IGSF5: variants seen among roughly 807,000 people sequenced by gnomAD.
IGSF5 encodes the protein immunoglobulin superfamily member 5, also known as immunoglobulin superfamily 5 like.
Under a neutral mutation model 39.4 loss-of-function variants are expected in IGSF5, and 41 were observed. That is an observed-to-expected ratio of 1.04 (90% CI 0.81 to 1.35). IGSF5 has a LOEUF of 1.35. IGSF5 is among the 40% of genes most tolerant of loss of function. The probability of loss-of-function intolerance (pLI) is 0.00; values close to 1 mark genes in which losing one functional copy is unlikely to be tolerated. For missense variants in IGSF5, 487 were observed against 494.6 expected, an observed-to-expected ratio of 0.98 and a Z score of 0.15; for synonymous variants, 183 against 175.3, an observed-to-expected ratio of 1.04 and a Z score of -0.34.
At chr21:39,737,692 A>G in the IGSF5 span, among the ~76,000 whole-genome samples, 2 of 152,234 alleles carry the variant, frequency 1.3e-5, no homozygotes, top group South Asian at 2.1e-4. Context: ...GTGGCCCCCC[A>G]GGAACCTCCA....
Position 39,746,238 on chromosome 21 carries a change from G to A in IGSF5, c.40G>A (p.Asp14Asn). ...KERSTADTLPDLEEWKSAAGL... is the reference protein window; with the variant it reads ...KERSTADTLPNLEEWKSAAGL... ...CAGGAGCACAGCAGATACTCTGCCG[G>A]ATCTGGAGGAATGGAAGTCAGCGGC... The change falls in exon 2 of 9, where the codon GAT becomes AAT. Residue 14 changes from aspartate (D) to asparagine (N), a missense_variant. Transcript: ENST00000380588. 1.4e-6 allele frequency: 1 copy of A among 701,914 alleles called. No homozygotes were observed. The highest frequency in any genetic ancestry group is 2.6e-6 in the Non-Finnish European group (1 of 384,798). The allele number at this position is 701,914 out of a possible 1,614,324, so 43.5% of individuals were successfully genotyped here. A position where few individuals can be genotyped will look rare whatever the true frequency, so the allele number is the denominator to read the frequency against.
At chr21:39,766,067 C>A (rs560851226) in intron 3 of IGSF5, among the ~76,000 whole-genome samples, 1 of 152,160 alleles carries the variant, frequency 6.6e-6, no homozygotes, top group Non-Finnish European at 1.5e-5. Context: ...CTTCCCTTCT[C>A]CCCCTCTCTT....
chr21:39,771,524 A>G (rs2080114926), intron 4 of IGSF5, among the ~76,000 whole-genome samples: 1 of 152,150 alleles, frequency 6.6e-6, no homozygotes, highest in Admixed American at 6.5e-5. Context: ...TTGTGTTTCT[A>G]GCTTTTACCT....
the IGSF5 span, among the ~76,000 whole-genome samples, chr21:39,723,149 A>G: frequency 1.3e-5 from 2 of 152,200 alleles, no homozygotes; most frequent in Non-Finnish European, 2.9e-5. Flanking sequence ...CGAGACTTCA[A>G]TCAAGGCACT....
chr21:39,751,678 G>A (rs1332332662), intron 2 of IGSF5, among the ~76,000 whole-genome samples: 4 of 152,174 alleles, frequency 2.6e-5, no homozygotes, highest in Non-Finnish European at 4.4e-5. Flanking sequence ...AACTTTTACC[G>A]ACTTCGAGGG....
intron 4 of IGSF5, among the ~76,000 whole-genome samples, chr21:39,778,607 C>T (rs897903531): frequency 3.9e-5 from 6 of 152,208 alleles, no homozygotes; most frequent in Non-Finnish European, 2.9e-5. Context: ...ACCTAAGTTC[C>T]TTTAGAAGTG....
chr21:39,713,524 G>A, the IGSF5 span, among the ~76,000 whole-genome samples: 1 of 152,176 alleles, frequency 6.6e-6, no homozygotes, highest in African/African-American at 2.4e-5. Context: ...GCCACCTGGT[G>A]TCTTTTCCCA....
At chr21:39,770,004 G>C (rs1320161221) in intron 3 of IGSF5, among the ~76,000 whole-genome samples, 1 of 152,052 alleles carries the variant, frequency 6.6e-6, no homozygotes, top group Non-Finnish European at 1.5e-5. Flanking sequence ...AAAAAATTCA[G>C]TGACTTGCCC....
upstream of IGSF5, among the ~76,000 whole-genome samples, chr21:39,742,213 C>A (rs1430875443): frequency 6.6e-6 from 1 of 151,948 alleles, no homozygotes; most frequent in Non-Finnish European, 1.5e-5. Flanking sequence ...ATGGCCCCTG[C>A]TTTTACTAGA....
At chr21:39,765,225 C>T (rs537733825) in intron 2 of IGSF5, among the ~76,000 whole-genome samples, 36 of 152,204 alleles carry the variant, frequency 2.4e-4, no homozygotes, top group Non-Finnish European at 3.8e-4. Flanking sequence ...TACCTAATTA[C>T]ATCTGCAAAG....
At chr21:39,788,085 G>T in intron 5 of IGSF5, 82 bp from the exon 6 acceptor site, 1 of 1,021,380 alleles carries the variant, frequency 9.8e-7, no homozygotes, top group South Asian at 1.4e-5. Context: ...GTTAAAATAA[G>T]GGAGTGTATA....
chr21:39,745,821 AC>A (rs1445460230), intron 1 of IGSF5, among the ~76,000 whole-genome samples: 1 of 151,672 alleles, frequency 6.6e-6, no homozygotes, highest in East Asian at 1.9e-4. Context: ...ATTTTCCTCC[AC>A]CTCTAAGGAA....
chr21:39,728,173 T>A, the IGSF5 span, among the ~76,000 whole-genome samples: 3 of 151,994 alleles, frequency 2.0e-5, no homozygotes, highest in Non-Finnish European at 4.4e-5. Flanking sequence ...CCCAAAAAGA[T>A]ATGTTCACGT....
chr21:39,771,181 A>G lies in IGSF5; in HGVS notation c.684A>G (p.Ala228=), dbSNP rs200351175. Reference sequence around the variant, plus strand: ...AGAGCCTGAAGGCCCGCAAGTCTGCAACTGTAAATCTCACTGTGATTCGGT... The same window carrying G: ...AGAGCCTGAAGGCCCGCAAGTCTGCGACTGTAAATCTCACTGTGATTCGGT... ...TWKSLKARKS[A]TVNLTVIRCP... is the part of the protein sequence containing the mutation. Residue 228 remains alanine, a synonymous_variant, in exon 4 of 9, where the codon GCA becomes GCG. Transcript: ENST00000380588. 3.7e-4 allele frequency: 584 copies of G among 1,596,066 alleles called. 1 individual carries two copies. Among genetic ancestry groups the G allele is most frequent in the Admixed American group, 4.1e-4 (24 of 58,466 alleles).
intron 5 of IGSF5, among the ~76,000 whole-genome samples, chr21:39,782,766 A>C (rs1472290779): frequency 6.6e-6 from 1 of 152,226 alleles, no homozygotes; most frequent in African/African-American, 2.4e-5. Context: ...TTTTGAAAAC[A>C]CAGCACCTTA....
chr21:39,762,158 G>A (rs2080064640), intron 2 of IGSF5, among the ~76,000 whole-genome samples: 1 of 152,206 alleles, frequency 6.6e-6, no homozygotes, highest in South Asian at 2.1e-4. Context: ...AGGCCAGGAT[G>A]TTGTGTTGGG....
intron 2 of IGSF5, among the ~76,000 whole-genome samples, chr21:39,749,386 T>C (rs1269854986): frequency 1.3e-5 from 2 of 152,158 alleles, no homozygotes; most frequent in Non-Finnish European, 2.9e-5. Flanking sequence ...CTAATTATTG[T>C]ATTTTTAGTA....
chr21:39,753,124 GA>G (rs369032213), intron 2 of IGSF5, among the ~76,000 whole-genome samples: 7,737 of 152,114 alleles, frequency 0.051, 323 homozygotes, highest in East Asian at 0.22. Context: ...TAGAGTTTTG[GA>G]TCATAGATTT....
chr21:39,735,459 T>C, the IGSF5 span, among the ~76,000 whole-genome samples: 1 of 152,328 alleles, frequency 6.6e-6, no homozygotes, highest in South Asian at 2.1e-4. Context: ...TACAAAAAGT[T>C]AAATATTGGC....
Sources: gnomAD v4.1 joint callset for allele counts (sites outside exome capture counted in the v4.1 genomes callset) on GRCh38, gnomAD v4.1.1 for gene constraint, MANE v1.5 for transcripts, NCBI Gene and HGNC (gene_info 2026-07-23, HGNC 2026-07-21) for gene names.